The following TAFA4 variants were observed in gnomAD, a reference collection of about 807,000 sequenced individuals.
The protein encoded by TAFA4 is chemokine-like protein TAFA-4.
Under a neutral mutation model 21.1 loss-of-function variants are expected in TAFA4, and 20 were observed. The ratio of observed to expected loss-of-function variants is 0.95; its 90% CI spans 0.67 to 1.38. TAFA4 has a LOEUF of 1.38. TAFA4 is among the 40% of genes most tolerant of loss of function. TAFA4 has a pLI of 0.00. For synonymous variants in TAFA4, 71 were observed against 67.4 expected (o/e 1.05, Z -0.26); for missense variants, 211 against 180.9 (o/e 1.17, Z -0.95).
At position 68,783,669 on chromosome 3, in the gene TAFA4, C is replaced by CAGAGAG. The variant is rs1413204711; in HGVS notation, c.131-30652_131-30651insCTCTCT. Among the ~76,000 whole-genome samples the CAGAGAG allele has an allele frequency of 5.0e-4, 53 of 106,626 alleles. 1 individual carries two copies. Among genetic ancestry groups the CAGAGAG allele is most frequent in the South Asian group, 1.8e-3 (5 of 2,758 alleles). 70.0% of individuals were successfully genotyped at this position (106,626 alleles called of 152,430 possible). A position where few individuals can be genotyped will look rare whatever the true frequency, so the allele number is the denominator to read the frequency against. ...TTCAAAGAAAAATCACAGACACACACACACAGAGAGAGAGAGAGAGAGAGA... is the reference window on the plus strand; with the variant it reads ...TTCAAAGAAAAATCACAGACACACACAGAGAGACACAGAGAGAGAGAGAGAGAGAGA... On this transcript the variant is annotated intron_variant, in intron 3 of 5. Coordinates refer to ENST00000295569, the MANE Select transcript of TAFA4 (RefSeq NM_182522.5).
intron 1 of TAFA4, among the ~76,000 whole-genome samples, chr3:68,891,628 T>C (rs986517827): frequency 6.6e-6 from 1 of 152,326 alleles, no homozygotes; most frequent in Admixed American, 6.5e-5. Flanking sequence ...TTTTCCACAC[T>C]AATTTCCACC....
chr3:68,871,459 C>G lies in TAFA4; in HGVS notation c.130+9271G>C, dbSNP rs146969360. On this transcript the variant is annotated intron_variant, in intron 3 of 5. Coordinates refer to ENST00000295569, the MANE Select transcript of TAFA4 (RefSeq NM_182522.5). Reference sequence around the variant, plus strand: ...TGGAGTAAAGACTTAAGTCTAACACCTGAAACTATGAAACTATTAGAAGCA... The same window carrying G: ...TGGAGTAAAGACTTAAGTCTAACACGTGAAACTATGAAACTATTAGAAGCA... 1.9e-3 allele frequency among the ~76,000 whole-genome samples: 284 copies of G among 152,190 alleles called. 2 individuals are homozygous for G. The highest frequency in any genetic ancestry group is 6.6e-3 in the African/African-American group (273 of 41,540).
At chr3:68,890,606 C>T (rs1409050494) in intron 1 of TAFA4, among the ~76,000 whole-genome samples, 5 of 152,294 alleles carry the variant, frequency 3.3e-5, no homozygotes, top group East Asian at 1.9e-4. Flanking sequence ...ATTTACATCA[C>T]GATATGGCAT....
At chr3:68,809,174 T>G (rs891147821) in intron 3 of TAFA4, among the ~76,000 whole-genome samples, 2 of 152,332 alleles carry the variant, frequency 1.3e-5, no homozygotes, top group African/African-American at 4.8e-5. Context: ...AGTGCAAGTT[T>G]CATGGTTAGC....
intron 3 of TAFA4, among the ~76,000 whole-genome samples, chr3:68,784,802 C>T (rs184487871): frequency 1.1e-3 from 163 of 152,226 alleles, no homozygotes; most frequent in Admixed American, 2.2e-3. Flanking sequence ...TTTGACAGGG[C>T]GCTGATTGGT....
chr3:68,734,344 G>A (rs1468230999), intron 5 of TAFA4, among the ~76,000 whole-genome samples: 2 of 152,078 alleles, frequency 1.3e-5, no homozygotes, highest in East Asian at 3.9e-4. Flanking sequence ...GAAGAGGTTG[G>A]ATAAACAGGT....
At chr3:68,909,950 G>A (rs1262627973) in intron 1 of TAFA4, among the ~76,000 whole-genome samples, 1 of 152,166 alleles carries the variant, frequency 6.6e-6, no homozygotes, top group Non-Finnish European at 1.5e-5. Flanking sequence ...TCACAGGGTT[G>A]TTGGCAGTAT....
intron 1 of TAFA4, among the ~76,000 whole-genome samples, chr3:68,895,564 AG>A (rs2089780559): frequency 6.6e-6 from 1 of 152,258 alleles, no homozygotes. Flanking sequence ...ACTCATGTAG[AG>A]AAAAGAGAAG....
chr3:68,773,587 GC>G (rs1270129716), intron 3 of TAFA4, among the ~76,000 whole-genome samples: 1 of 152,088 alleles, frequency 6.6e-6, no homozygotes, highest in Non-Finnish European at 1.5e-5. Context: ...CTGATGACCT[GC>G]CCCCACCTGA....
At chr3:68,820,176 G>A (rs1704081163) in intron 3 of TAFA4, among the ~76,000 whole-genome samples, 2 of 152,170 alleles carry the variant, frequency 1.3e-5, no homozygotes, top group South Asian at 4.1e-4. Flanking sequence ...AGTGAAGTAA[G>A]TCAGGCGCAA....
chr3:68,896,766 G>A, intron 1 of TAFA4, among the ~76,000 whole-genome samples: 1 of 152,222 alleles, frequency 6.6e-6, no homozygotes, highest in East Asian at 1.9e-4. Context: ...TCACATCCCT[G>A]CTGGGTATCT....
At chr3:68,857,615 T>G (rs959065847) in intron 3 of TAFA4, among the ~76,000 whole-genome samples, 6 of 152,112 alleles carry the variant, frequency 3.9e-5, no homozygotes, top group Admixed American at 3.3e-4. Context: ...TGTAAATACA[T>G]ATACATATAT....
At chr3:68,871,676 A>G (rs1415116446) in intron 3 of TAFA4, among the ~76,000 whole-genome samples, 2 of 152,134 alleles carry the variant, frequency 1.3e-5, no homozygotes, top group African/African-American at 2.4e-5. Flanking sequence ...TAAGCAGCAT[A>G]TATAAGGAAC....
intron 3 of TAFA4, among the ~76,000 whole-genome samples, chr3:68,805,265 C>T (rs1394542043): frequency 6.6e-6 from 1 of 152,170 alleles, no homozygotes; most frequent in East Asian, 1.9e-4. Flanking sequence ...TACCATCTCA[C>T]ACCAGTTAGA....
chr3:68,840,189 G>A (rs1704625687), intron 3 of TAFA4, among the ~76,000 whole-genome samples: 1 of 152,136 alleles, frequency 6.6e-6, no homozygotes, highest in Non-Finnish European at 1.5e-5. Context: ...TGGCACTTTT[G>A]GTTGGTTGGT....
intron 3 of TAFA4, among the ~76,000 whole-genome samples, chr3:68,871,316 C>T (rs921257920): frequency 3.9e-5 from 6 of 151,910 alleles, no homozygotes; most frequent in African/African-American, 1.5e-4. Context: ...ACACCAAGAA[C>T]CTATATTGGG....
At chr3:68,797,398 G>A (rs13087144) in intron 3 of TAFA4, among the ~76,000 whole-genome samples, 65,159 of 151,488 alleles carry the variant, frequency 0.43, 14,272 homozygotes, top group Non-Finnish European at 0.46. Flanking sequence ...TGGATCACGA[G>A]GTCAGGAGAA....
chr3:68,809,921 A>G (rs537293784), intron 3 of TAFA4, among the ~76,000 whole-genome samples: 4 of 152,242 alleles, frequency 2.6e-5, no homozygotes, highest in Non-Finnish European at 5.9e-5. Context: ...CCCTTGGTCT[A>G]TGTATCTGTT....
At chr3:68,889,949 G>A (rs2089714537) in intron 1 of TAFA4, among the ~76,000 whole-genome samples, 1 of 152,130 alleles carries the variant, frequency 6.6e-6, no homozygotes, top group South Asian at 2.1e-4. Context: ...AGCCATAAAG[G>A]ACATTATTGA....
Sources: allele counts gnomAD v4.1 joint callset (sites outside exome capture counted in the v4.1 genomes callset), GRCh38; gene constraint gnomAD v4.1.1; transcripts MANE v1.5; gene names NCBI Gene and HGNC (gene_info 2026-07-23, HGNC 2026-07-21).